NAA50: variants seen among roughly 807,000 people sequenced by gnomAD.
NAA50 encodes the protein N-alpha-acetyltransferase 50.
In NAA50, 7 loss-of-function variants were observed where a neutral mutation model predicts 20.7. The ratio of observed to expected loss-of-function variants is 0.34; its 90% CI spans 0.19 to 0.63. The LOEUF is 0.63. NAA50 is among the 30% of genes least tolerant of loss of function. NAA50 has a pLI of 0.75. For synonymous variants in NAA50, 54 were observed against 70.6 expected, an observed-to-expected ratio of 0.77 and a Z score of 1.18; for missense variants, 111 against 199.1, an observed-to-expected ratio of 0.56 and a Z score of 2.66.
At position 113,743,761 on chromosome 3, in the gene NAA50, A is replaced by T. The variant is rs149464922; in HGVS notation, c.8+2181T>A. On this transcript the variant is annotated intron_variant, in intron 1 of 4. Coordinates refer to ENST00000240922, the MANE Select transcript of NAA50 (RefSeq NM_025146.4). The stretch of plus-strand genomic sequence containing the variant: ...ACTTCACTGGCATAGTTACTGGCAT[A>T]AAGGTACAGATTCAATAGTTGTAAG... Among the ~76,000 whole-genome samples the T allele has an allele frequency of 4.6e-3, 698 of 152,372 alleles. 15 individuals carry two copies. Among genetic ancestry groups the T allele is most frequent in the Admixed American group, 0.034 (516 of 15,306 alleles).
In NAA50 at chr3:113,721,405, A is replaced by G; in HGVS notation, c.*355T>C. On this transcript the variant is annotated 3_prime_UTR_variant, in exon 5 of 5. Coordinates refer to ENST00000240922, the MANE Select transcript of NAA50 (RefSeq NM_025146.4). Reference sequence around the variant, plus strand: ...CTGCTGCTTCTTTTTGTCTTTTGAAATATACAATGTTTTGTAGGCTCTGCC... The same window carrying G: ...CTGCTGCTTCTTTTTGTCTTTTGAAGTATACAATGTTTTGTAGGCTCTGCC... The G allele has an allele frequency of 4.2e-6, 1 of 237,248 alleles. No individual in the cohort carries two copies. The highest frequency in any genetic ancestry group is 8.2e-6 in the Non-Finnish European group (1 of 122,124). The allele number at this position is 237,248 out of a possible 1,614,324, so 14.7% of individuals were successfully genotyped here. A position where few individuals can be genotyped will look rare whatever the true frequency, so the allele number is the denominator to read the frequency against.
intron 4 of NAA50, among the ~76,000 whole-genome samples, chr3:113,722,256 G>GA (rs34051587): frequency 5.3e-5 from 8 of 151,346 alleles, no homozygotes; most frequent in African/African-American, 1.2e-4. Flanking sequence ...TTAACACACA[G>GA]AAAAAAAATG....
intron 1 of NAA50, among the ~76,000 whole-genome samples, chr3:113,724,886 C>T (rs1035860174): frequency 6.6e-6 from 1 of 152,150 alleles, no homozygotes; most frequent in East Asian, 1.9e-4. Flanking sequence ...TTCCTGCCAC[C>T]ATGTGAAGAA....
At chr3:113,726,784 T>C (rs1708205029) in intron 1 of NAA50, among the ~76,000 whole-genome samples, 2 of 151,990 alleles carry the variant, frequency 1.3e-5, no homozygotes, top group Non-Finnish European at 2.9e-5. Flanking sequence ...AATCTGTGGA[T>C]ACTGTTATCC....
chr3:113,729,468 T>C (rs1038291874), intron 1 of NAA50, among the ~76,000 whole-genome samples: 5 of 152,216 alleles, frequency 3.3e-5, no homozygotes, highest in African/African-American at 1.2e-4. Context: ...CTTTTATCAT[T>C]TTGAAATATC....
chr3:113,745,823 A>T, intron 1 of NAA50, 119 bp downstream of exon 1: 1 of 1,211,892 alleles, frequency 8.3e-7, no homozygotes, highest in Non-Finnish European at 1.1e-6. Context: ...GAAGCAGAGA[A>T]ATCTCCCTCC....
chr3:113,733,853 CAAAAAAAAAAAAAA>C (rs58431115), intron 1 of NAA50, among the ~76,000 whole-genome samples: 1 of 68,506 alleles, frequency 1.5e-5, no homozygotes, highest in Non-Finnish European at 2.6e-5. Context: ...ACTCTGTCTC[CAAAAAAAAAAAAAA>C]AAAAAAAAAG....
intron 1 of NAA50, among the ~76,000 whole-genome samples, chr3:113,734,672 C>T (rs764231295): frequency 1.3e-5 from 2 of 152,272 alleles, no homozygotes; most frequent in Non-Finnish European, 2.9e-5. Flanking sequence ...CAATCCCCAG[C>T]TGCACAAGGC....
chr3:113,739,389 C>T (rs1708383734), intron 1 of NAA50: 1 of 152,194 alleles, frequency 6.6e-6, no homozygotes, highest in South Asian at 2.1e-4. Flanking sequence ...TGGAGGTCAA[C>T]TGGCAAGAAA....
rs965073227 is a variant in NAA50 at position 113,740,597 on chromosome 3, A to G, written c.8+5345T>C. Among the ~76,000 whole-genome samples the G allele has an allele frequency of 3.9e-4, 60 of 152,272 alleles. 1 individual carries two copies. The highest frequency in any genetic ancestry group is 1.2e-3 in the African/African-American group (50 of 41,552). ...TATGTTATAGCCCAGGCTGGTCTTG[A>G]ACTCCTGGGCTCAAGTGATCCTCCT... is the stretch of plus-strand genomic sequence containing the variant. On this transcript the variant is annotated intron_variant, in intron 1 of 4. Coordinates refer to ENST00000240922, the MANE Select transcript of NAA50 (RefSeq NM_025146.4).
chr3:113,720,286 A>G lies in NAA50; in HGVS notation c.*1474T>C, dbSNP rs1463273392. ...ATGAGACTTTATACCGCAATTTTAC[A>G]TAAGAGGATAAATATGAATGAAACT... is the stretch of plus-strand genomic sequence containing the variant. On this transcript the variant is annotated 3_prime_UTR_variant, in exon 5 of 5. Coordinates refer to ENST00000240922, the MANE Select transcript of NAA50 (RefSeq NM_025146.4). 2.6e-5 allele frequency: 4 copies of G among 152,428 alleles called. No homozygotes were observed. The highest frequency in any genetic ancestry group is 2.1e-4 in the South Asian group (1 of 4,834). The allele number at this position is 152,428 out of a possible 1,614,324, so 9.4% of individuals were successfully genotyped here.
At chr3:113,734,299 G>T (rs1272164909) in intron 1 of NAA50, among the ~76,000 whole-genome samples, 2 of 152,100 alleles carry the variant, frequency 1.3e-5, no homozygotes, top group East Asian at 3.9e-4. Flanking sequence ...GGGACTACTA[G>T]AAGAGGGAGA....
At chr3:113,727,003 G>A (rs1158098441) in intron 1 of NAA50, among the ~76,000 whole-genome samples, 1 of 152,162 alleles carries the variant, frequency 6.6e-6, no homozygotes, top group East Asian at 1.9e-4. Flanking sequence ...TGTTGCCCAG[G>A]CTGGTCTACA....
intron 1 of NAA50, among the ~76,000 whole-genome samples, chr3:113,733,547 A>G (rs149579305): frequency 1.3e-3 from 196 of 152,234 alleles, no homozygotes; most frequent in African/African-American, 4.5e-3. Flanking sequence ...TCTCTGTTAA[A>G]GATTCATATT....
chr3:113,721,162 C>T lies in NAA50; in HGVS notation c.*598G>A, dbSNP rs1708129773. The T allele has an allele frequency of 6.5e-6, 1 of 152,784 alleles. No homozygotes were observed. The highest frequency in any genetic ancestry group is 1.5e-5 in the Non-Finnish European group (1 of 68,310). The allele number at this position is 152,784 out of a possible 1,614,324, so 9.5% of individuals were successfully genotyped here. A position where few individuals can be genotyped will look rare whatever the true frequency, so the allele number is the denominator to read the frequency against. ...AAGTATAACACTAAACCAAACTGCC[C>T]CACCCACCAGCAAGAAGAGAAGATA... is the stretch of plus-strand genomic sequence containing the variant. On this transcript the variant is annotated 3_prime_UTR_variant, in exon 5 of 5. Transcript: ENST00000240922.
intron 1 of NAA50, among the ~76,000 whole-genome samples, chr3:113,736,958 G>T (rs1409214508): frequency 1.3e-5 from 2 of 152,174 alleles, no homozygotes; most frequent in African/African-American, 4.8e-5. Context: ...CATTTGTTGT[G>T]CAGAGTATTT....
chr3:113,744,466 TA>T (rs565340033), intron 1 of NAA50, among the ~76,000 whole-genome samples: 291 of 141,406 alleles, frequency 2.1e-3, no homozygotes, highest in Admixed American at 1.8e-3. Flanking sequence ...CCTGCCTCAT[TA>T]AAAAAAAAAA....
chr3:113,726,193 T>C (rs903084351), intron 1 of NAA50, among the ~76,000 whole-genome samples: 3 of 152,088 alleles, frequency 2.0e-5, no homozygotes, highest in African/African-American at 7.2e-5. Context: ...AACAAACATG[T>C]TAGTAAAAGG....
At chr3:113,724,202 T>A in intron 1 of NAA50, 107 bp from the exon 2 acceptor site, 1 of 1,193,416 alleles carries the variant, frequency 8.4e-7, no homozygotes. Context: ...TAAATCCAAC[T>A]CTTTCAGAGT....
Sources: gnomAD v4.1 joint callset for allele counts (sites outside exome capture counted in the v4.1 genomes callset) on GRCh38, gnomAD v4.1.1 for gene constraint, MANE v1.5 for transcripts, NCBI Gene and HGNC (gene_info 2026-07-23, HGNC 2026-07-21) for gene names.